LMAN1: variants seen among roughly 807,000 people sequenced by gnomAD.
LMAN1 encodes the protein lectin, mannose binding 1.
Under a neutral mutation model 67.8 loss-of-function variants are expected in LMAN1, and 32 were observed. The observed-to-expected ratio is 0.47, with a 90% CI of 0.36 to 0.63. LMAN1 has a LOEUF of 0.63. Ranked by LOEUF, LMAN1 falls within the 30% of genes least tolerant of loss-of-function variation. The pLI, the probability that LMAN1 is intolerant of heterozygous loss-of-function variation, is 0.00. For synonymous variants in LMAN1, 235 were observed against 219.3 expected (o/e 1.07, Z -0.63); for missense variants, 632 against 628.2 (o/e 1.01, Z -0.06).
At chr18:59,331,721 C>T (rs982973330) in intron 11 of LMAN1, 182 bp from the exon 12 acceptor site, 4 of 599,826 alleles carry the variant, frequency 6.7e-6, no homozygotes, top group Non-Finnish European at 8.6e-6. Context: ...GTAGTTGACA[C>T]TGGAAGGCCT....
intron 1 of LMAN1, among the ~76,000 whole-genome samples, chr18:59,357,952 AAACCTT>A (rs2144235861): frequency 6.9e-6 from 1 of 145,836 alleles, no homozygotes; most frequent in South Asian, 2.2e-4. Context: ...CATGTACCCT[AAACCTT>A]ATAGTAAAAA....
intron 7 of LMAN1, among the ~76,000 whole-genome samples, chr18:59,346,709 G>A (rs900973107): frequency 5.3e-5 from 8 of 150,842 alleles, no homozygotes; most frequent in African/African-American, 1.5e-4. Context: ...TTGTAGAGAT[G>A]GGGTTTTGCC....
At chr18:59,343,791 TA>T (rs1185052295) in intron 8 of LMAN1, among the ~76,000 whole-genome samples, 1 of 151,696 alleles carries the variant, frequency 6.6e-6, no homozygotes, top group African/African-American at 2.4e-5. Context: ...AAAACAAAAA[TA>T]GACAAATGGG....
intron 7 of LMAN1, among the ~76,000 whole-genome samples, 158 bp from the exon 8 acceptor site, chr18:59,346,209 C>CTT (rs370183077): frequency 0.042 from 2,609 of 61,588 alleles, 273 homozygotes; most frequent in Non-Finnish European, 0.066. Flanking sequence ...GCAAATTACT[C>CTT]TTTTTTTTTT....
At chr18:59,350,812 G>A (rs1269417961) in intron 5 of LMAN1, among the ~76,000 whole-genome samples, 1 of 151,996 alleles carries the variant, frequency 6.6e-6, no homozygotes, top group Admixed American at 6.6e-5. Context: ...TTTTTTAAAG[G>A]ACGTAACACA....
chr18:59,358,955 G>T, intron 1 of LMAN1, 76 bp downstream of exon 1: 1 of 1,445,892 alleles, frequency 6.9e-7, no homozygotes, highest in East Asian at 2.3e-5. Flanking sequence ...GCACACCAGG[G>T]TAGCCGCGGA....
At chr18:59,348,989 G>A in intron 6 of LMAN1, 124 bp downstream of exon 6, 1 of 1,118,020 alleles carries the variant, frequency 8.9e-7, no homozygotes, top group Non-Finnish European at 1.4e-6. Context: ...CACAAGAGGT[G>A]ATGGGAAAGT....
intron 3 of LMAN1, among the ~76,000 whole-genome samples, 174 bp from the exon 4 acceptor site, chr18:59,354,754 C>T (rs1460460074): frequency 1.3e-5 from 2 of 152,072 alleles, no homozygotes; most frequent in African/African-American, 4.8e-5. Context: ...AACAATAACC[C>T]CTGAAAATTA....
At chr18:59,347,661 A>C in intron 6 of LMAN1, 90 bp from the exon 7 acceptor site, 1 of 942,108 alleles carries the variant, frequency 1.1e-6, no homozygotes. Context: ...TTATTGTTTT[A>C]AATAACAATA....
chr18:59,348,741 C>T (rs895385132), intron 6 of LMAN1, among the ~76,000 whole-genome samples: 1 of 152,196 alleles, frequency 6.6e-6, no homozygotes, highest in Non-Finnish European at 1.5e-5. Flanking sequence ...TGGCAATTAA[C>T]CTTTCTGTGG....
intron 10 of LMAN1, among the ~76,000 whole-genome samples, chr18:59,337,961 T>C (rs1908197033): frequency 6.6e-6 from 1 of 152,200 alleles, no homozygotes; most frequent in Non-Finnish European, 1.5e-5. Context: ...TTATCTCTGC[T>C]CCAGGCATTG....
At chr18:59,351,802 G>A (rs1000910261) in intron 5 of LMAN1, among the ~76,000 whole-genome samples, 1 of 152,162 alleles carries the variant, frequency 6.6e-6, no homozygotes, top group Non-Finnish European at 1.5e-5. Context: ...GCTACATGCA[G>A]GTAAGCAAGA....
Position 59,359,095 on chromosome 18 carries a change from G to C in LMAN1, c.150C>G (p.Tyr50Ter). Residue 50 changes from tyrosine (Y) to a stop codon, truncating the protein, a stop_gained, in exon 1 of 13, where the codon TAC becomes TAG. Transcript: ENST00000251047. LOFTEE classifies it high-confidence loss of function. Reference sequence around the variant, plus strand: ...GCACCAGGTGCGGCCCCTTGAAGCTGTATTTGTACTCGAAACGGCGATGTG... The same window carrying C: ...GCACCAGGTGCGGCCCCTTGAAGCTCTATTTGTACTCGAAACGGCGATGTG... ...ALPHRRFEYKYSFKGPHLVQS... is the reference protein window; with the variant it reads ...ALPHRRFEYK 1 of 1,614,054 alleles carries C rather than the reference G, an allele frequency of 6.2e-7. No individual in the cohort carries two copies.
In LMAN1 at chr18:59,345,994, C is replaced by G; in HGVS notation, c.880G>C (p.Glu294Gln). The change falls in exon 8 of 13, where the codon GAG becomes CAG. Residue 294 changes from glutamate (E) to glutamine (Q), a missense_variant. Coordinates refer to ENST00000251047, the MANE Select transcript of LMAN1 (RefSeq NM_005570.4). ...KEKEKYQEEF[E>Q]HFQQELDKKK... ...TTATCCAATTCTTGTTGAAAGTGCT[C>G]AAATTCCTCCTGATACTTTTCTTTT... The G allele has an allele frequency of 5.0e-6, 8 of 1,613,716 alleles. No individual in the cohort carries two copies. Among genetic ancestry groups the G allele is most frequent in the Non-Finnish European group, 6.8e-6 (8 of 1,179,794 alleles).
At chr18:59,331,299 C>T in intron 12 of LMAN1, 119 bp downstream of exon 12, 12 of 1,188,240 alleles carry the variant, frequency 1.0e-5, no homozygotes, top group Non-Finnish European at 1.4e-5. Flanking sequence ...ACAGAAATCA[C>T]AATAAACTTA....
intron 8 of LMAN1, 137 bp downstream of exon 8, chr18:59,345,781 TA>T: frequency 2.0e-6 from 2 of 1,013,738 alleles, no homozygotes; most frequent in Non-Finnish European, 1.5e-6. Context: ...GATTTGCTCC[TA>T]AATTGTTTCC....
At chr18:59,354,184 A>G (rs1908607655) in intron 4 of LMAN1, among the ~76,000 whole-genome samples, 1 of 152,160 alleles carries the variant, frequency 6.6e-6, no homozygotes, top group Non-Finnish European at 1.5e-5. Flanking sequence ...GCTCAACTTT[A>G]TTTTTTAAAG....
At position 59,354,597 on chromosome 18, in the gene LMAN1, C is replaced by T. The variant is rs8099159; in HGVS notation, c.478-17G>A. ...ATTATTTTTCTAAAAAAAAGGAAAACATTTTAAAAAATGTCTTTAATCAAA... is the reference window on the plus strand; with the variant it reads ...ATTATTTTTCTAAAAAAAAGGAAAATATTTTAAAAAATGTCTTTAATCAAA... On this transcript the variant is annotated splice_polypyrimidine_tract_variant and intron_variant, in intron 3 of 12. Transcript: ENST00000251047. The T allele has an allele frequency of 1.5e-3, 1,843 of 1,262,680 alleles. 15 individuals are homozygous for T. The African/African-American group carries it at 0.024, about 17-fold the overall frequency. 78.2% of individuals were successfully genotyped at this position (1,262,680 alleles called of 1,614,324 possible).
At chr18:59,358,778 A>C (rs1908722093) in intron 1 of LMAN1, among the ~76,000 whole-genome samples, 1 of 152,192 alleles carries the variant, frequency 6.6e-6, no homozygotes, top group Non-Finnish European at 1.5e-5. Context: ...CGACGAGATC[A>C]AAGAAGGGAA....
Sources: gnomAD v4.1 joint callset for allele counts (sites outside exome capture counted in the v4.1 genomes callset) on GRCh38, gnomAD v4.1.1 for gene constraint, MANE v1.5 for transcripts, NCBI Gene and HGNC (gene_info 2026-07-23, HGNC 2026-07-21) for gene names.